The following COG7 variants were observed in gnomAD, a reference collection of about 807,000 sequenced individuals.
COG7 encodes conserved oligomeric Golgi complex subunit 7.
COG7 carries 49 observed loss-of-function variants against 91.5 expected under a neutral mutation model. That is an observed-to-expected ratio of 0.54 (90% CI 0.43 to 0.68). The LOEUF (loss-of-function observed/expected upper bound fraction) is 0.68, where lower values mean the gene tolerates loss of function less well. Ranked by LOEUF, COG7 falls within the 30% of genes least tolerant of loss-of-function variation. The pLI is 0.00. For synonymous variants in COG7, 365 were observed against 388.7 expected, an observed-to-expected ratio of 0.94 and a Z score of 0.72; for missense variants, 895 against 961.3, an observed-to-expected ratio of 0.93 and a Z score of 0.91.
At chr16:23,400,036 T>G (rs1266442620) in intron 13 of COG7, among the ~76,000 whole-genome samples, 1 of 151,924 alleles carries the variant, frequency 6.6e-6, no homozygotes. Flanking sequence ...GATGAGGGGG[T>G]ATGTATGAAA....
rs183235461 is a variant in COG7 at position 23,428,290 on chromosome 16, A to C, written c.811-3343T>G. 5.7e-3 allele frequency among the ~76,000 whole-genome samples: 864 copies of C among 152,278 alleles called. 12 individuals carry two copies. Among genetic ancestry groups the C allele is most frequent in the African/African-American group, 0.02 (828 of 41,558 alleles). ...CTTGAACCCAGGAGGCGGAGGTTGC[A>C]GTGAGCCAAGATCATGCCACTGCAC... On this transcript the variant is annotated intron_variant, in intron 6 of 16. Transcript: ENST00000307149.
intron 1 of COG7, among the ~76,000 whole-genome samples, chr16:23,449,926 T>C (rs556185638): frequency 6.6e-6 from 1 of 152,138 alleles, no homozygotes; most frequent in South Asian, 2.1e-4. Flanking sequence ...ATATATGTGC[T>C]ATTATATCAT....
intron 16 of COG7, among the ~76,000 whole-genome samples, 174 bp from the exon 17 acceptor site, chr16:23,389,260 G>C (rs1331601680): frequency 6.6e-6 from 1 of 152,110 alleles, no homozygotes; most frequent in Non-Finnish European, 1.5e-5. Flanking sequence ...TCTTCCCACA[G>C]TGTCAGACCA....
chr16:23,440,348 G>C lies in COG7; in HGVS notation c.604+2129C>G, dbSNP rs1483622766. ...ACATCATGCCACTGCACTCCACCCT[G>C]GGTGACAGAATGAGACTCCATCTCA... On this transcript the variant is annotated intron_variant, in intron 4 of 16. Transcript: ENST00000307149. Among the ~76,000 whole-genome samples, 3 of 150,930 alleles carry C rather than the reference G, an allele frequency of 2.0e-5. No homozygotes were observed. The South Asian group carries it at 6.3e-4, about 32-fold the overall frequency.
rs369939053 is a variant in COG7, at chr16:23,446,565, C to T, written c.170-604G>A. ...CTCCCAGGTTCAAGTGATTCTCCTG[C>T]CTCAGCCTCCTGAGTAGCTGGTTTT... On this transcript the variant is annotated intron_variant, in intron 1 of 16. Transcript: ENST00000307149. 250 of 154,598 alleles carry T rather than the reference C, an allele frequency of 1.6e-3. 1 individual carries two copies. Among genetic ancestry groups the T allele is most frequent in the African/African-American group, 5.9e-3 (242 of 41,226 alleles). The allele number at this position is 154,598 out of a possible 1,614,324, so 9.6% of individuals were successfully genotyped here. A position where few individuals can be genotyped will look rare whatever the true frequency, so the allele number is the denominator to read the frequency against.
In COG7 at chr16:23,392,587, G is replaced by A. The variant is rs567467585; in HGVS notation, c.2003-64C>T. ...TGCAGTAGCTGCTGAATGCACCAAA[G>A]TACCAGGAAGCTTCTGATCTCAATG... On this transcript the variant is annotated intron_variant, in intron 15 of 16. Coordinates refer to ENST00000307149, the MANE Select transcript of COG7 (RefSeq NM_153603.4). 8 of 1,596,500 alleles carry A rather than the reference G, an allele frequency of 5.0e-6. No homozygotes were observed. The African/African-American group carries it at 8.0e-5, about 16-fold the overall frequency.
At position 23,388,913 on chromosome 16, in the gene COG7, G is replaced by C. The variant is rs779415205; in HGVS notation, c.*7C>G. On this transcript the variant is annotated 3_prime_UTR_variant, in exon 17 of 17. Transcript: ENST00000307149. ...TGGCTCTCTTGGTGGTCCGGTGTGT[G>C]GTGGGGTCAGTAATTCACACTCCGC... 4.9e-5 allele frequency: 79 copies of C among 1,613,756 alleles called. No homozygotes were observed. The highest frequency in any genetic ancestry group is 6.4e-5 in the Non-Finnish European group (76 of 1,179,964).
chr16:23,432,294 C>T (rs1313273213), intron 6 of COG7, among the ~76,000 whole-genome samples: 5 of 152,082 alleles, frequency 3.3e-5, no homozygotes, highest in Non-Finnish European at 7.4e-5. Flanking sequence ...AAATTCATTC[C>T]AGCAAATGAC....
chr16:23,441,561 C>A (rs1039450373), intron 4 of COG7, among the ~76,000 whole-genome samples: 1 of 152,024 alleles, frequency 6.6e-6, no homozygotes, highest in Non-Finnish European at 1.5e-5. Flanking sequence ...GGGAACACAG[C>A]GAGACTTCGT....
At chr16:23,398,348 C>T (rs977772735) in intron 13 of COG7, among the ~76,000 whole-genome samples, 1 of 152,236 alleles carries the variant, frequency 6.6e-6, no homozygotes, top group Non-Finnish European at 1.5e-5. Flanking sequence ...TCTCTCTCCG[C>T]ATTCCTGCAG....
At position 23,440,085 on chromosome 16, in the gene COG7, C is replaced by CA. The variant is rs11294739; in HGVS notation, c.604+2391dup. Among the ~76,000 whole-genome samples the CA allele has an allele frequency of 5.7e-3, 448 of 79,264 alleles. 3 individuals carry two copies. The highest frequency in any genetic ancestry group is 0.024 in the Middle Eastern group (3 of 124). 52.0% of individuals were successfully genotyped at this position (79,264 alleles called of 152,430 possible). A position where few individuals can be genotyped will look rare whatever the true frequency, so the allele number is the denominator to read the frequency against. ...GCAATATAGCAAGACCCCATCTATA[C>CA]AAAAAAAAAAAAAAAAAAATAGGCT... On this transcript the variant is annotated intron_variant, in intron 4 of 16. Coordinates refer to ENST00000307149, the MANE Select transcript of COG7 (RefSeq NM_153603.4).
intron 13 of COG7, among the ~76,000 whole-genome samples, chr16:23,402,718 A>G (rs1963398104): frequency 6.6e-6 from 1 of 152,228 alleles, no homozygotes; most frequent in Non-Finnish European, 1.5e-5. Context: ...ATTGAAATAG[A>G]TCTCATGGCA....
rs966395103 is a variant in COG7, at chr16:23,392,146, C to T, written c.2146+234G>A. Reference sequence around the variant, plus strand: ...CTTATCTCACTGAAGCTCCCCTCAACGGTTCTCAAGTCCTCTTCGAAAACA... The same window carrying T: ...CTTATCTCACTGAAGCTCCCCTCAATGGTTCTCAAGTCCTCTTCGAAAACA... On this transcript the variant is annotated intron_variant, in intron 16 of 16. Transcript: ENST00000307149. The T allele has an allele frequency of 4.6e-5, 65 of 1,411,080 alleles. 1 individual carries two copies. The African/African-American group carries it at 5.9e-4, about 13-fold the overall frequency. The allele number at this position is 1,411,080 out of a possible 1,614,324, so 87.4% of individuals were successfully genotyped here.
At chr16:23,403,946 G>T in intron 12 of COG7, 112 bp from the exon 13 acceptor site, 1 of 1,324,504 alleles carries the variant, frequency 7.5e-7, no homozygotes, top group Non-Finnish European at 1.1e-6. Flanking sequence ...ATGCAATAGT[G>T]GTTCCCAAAC....
rs562302331 is a variant in COG7, at chr16:23,429,591, C to T, written c.810+3954G>A. On this transcript the variant is annotated intron_variant, in intron 6 of 16. Coordinates refer to ENST00000307149, the MANE Select transcript of COG7 (RefSeq NM_153603.4). The stretch of plus-strand genomic sequence containing the variant: ...CCAGCCTGGCCAGCATGAAGAAACC[C>T]TATCTCTACTAAAAATACAAAAATT... 1.4e-3 allele frequency among the ~76,000 whole-genome samples: 215 copies of T among 152,052 alleles called. 5 individuals carry two copies. The South Asian group carries it at 0.043, about 30-fold the overall frequency.
At chr16:23,441,444 G>T (rs766087096) in intron 4 of COG7, among the ~76,000 whole-genome samples, 14 of 152,182 alleles carry the variant, frequency 9.2e-5, no homozygotes, top group Admixed American at 3.9e-4. Context: ...GTGTGGTGGC[G>T]CACGTCTGTA....
intron 4 of COG7, among the ~76,000 whole-genome samples, chr16:23,435,407 A>T (rs1468149825): frequency 6.6e-6 from 1 of 152,136 alleles, no homozygotes; most frequent in Admixed American, 6.6e-5. Flanking sequence ...AAATCAAATA[A>T]TTTGGTAACT....
Position 23,416,989 on chromosome 16 carries a change from C to A in COG7, c.1270G>T (p.Ala424Ser). 1 of 1,614,224 alleles carries A rather than the reference C, an allele frequency of 6.2e-7. No homozygotes were observed. Among genetic ancestry groups the A allele is most frequent in the Non-Finnish European group, 8.5e-7 (1 of 1,180,032 alleles). The change falls in exon 9 of 17, where the codon GCC (alanine) becomes TCC (serine). Residue 424 changes from alanine to serine, a missense_variant. Physicochemically the swap from Ala to Ser is moderately conservative, Grantham distance 99 (BLOSUM62 1). Coordinates refer to ENST00000307149, the MANE Select transcript of COG7 (RefSeq NM_153603.4). ...TACTTGGCAAAGAGGGATTTCAGGGCTGACAACAGGCCGCAGGTCCCCAGG... is the reference window on the plus strand; with the variant it reads ...TACTTGGCAAAGAGGGATTTCAGGGATGACAACAGGCCGCAGGTCCCCAGG... ...NGLGTCGLLS[A>S]LKSLFAKYVS...
intron 7 of COG7, among the ~76,000 whole-genome samples, chr16:23,421,850 C>CAAAAAAAAA (rs369425955): frequency 4.2e-5 from 2 of 47,634 alleles, no homozygotes; most frequent in Admixed American, 2.2e-4. Context: ...GACTCCATCT[C>CAAAAAAAAA]AAAAAAAAAA....
Sources: allele counts gnomAD v4.1 joint callset (sites outside exome capture counted in the v4.1 genomes callset), GRCh38; gene constraint gnomAD v4.1.1; transcripts MANE v1.5; gene names NCBI Gene and HGNC (gene_info 2026-07-23, HGNC 2026-07-21).